The following CFAP251 variants were observed in gnomAD, a reference collection of about 807,000 sequenced individuals.
CFAP251 encodes cilia- and flagella-associated protein 251.
A neutral mutation model predicts 126.7 loss-of-function variants in CFAP251; 93 were observed. The observed-to-expected ratio is 0.73, with a 90% CI of 0.62 to 0.87. The LOEUF (loss-of-function observed/expected upper bound fraction) is 0.87. CFAP251 is among the 40% of genes least tolerant of loss of function. CFAP251 has a pLI of 0.00. For missense variants in CFAP251, 1,287 were observed against 1,389.2 expected, an observed-to-expected ratio of 0.93 and a Z score of 1.17; for synonymous variants, 503 against 506.9, an observed-to-expected ratio of 0.99 and a Z score of 0.10.
At chr12:121,999,622 C>A in intron 19 of CFAP251, 94 bp from the exon 20 acceptor site, 1 of 944,376 alleles carries the variant, frequency 1.1e-6, no homozygotes, top group Non-Finnish European at 1.6e-6. Flanking sequence ...AGGCATGAGC[C>A]GCTGCACCAG....
chr12:121,957,240 A>G lies in CFAP251; in HGVS notation c.1702A>G (p.Thr568Ala). The part of the protein sequence containing the change: ...TEKSNYPPDC[T>A]LKGDLFVLRN... The stretch of plus-strand genomic sequence containing the variant: ...AAAATCAAACTATCCTCCTGACTGC[A>G]CTTTAAAAGGTGACCTTTTTGTCTT... The change falls in exon 11 of 22, where the codon ACT (threonine) becomes GCT (alanine). Residue 568 changes from threonine to alanine, a missense_variant. Coordinates refer to ENST00000288912, the MANE Select transcript of CFAP251 (RefSeq NM_144668.6). 1.9e-6 allele frequency: 3 copies of G among 1,612,480 alleles called. No individual in the cohort carries two copies. The highest frequency in any genetic ancestry group is 2.2e-5 in the South Asian group (2 of 90,710).
chr12:121,926,262 A>G (rs900923352), intron 3 of CFAP251, among the ~76,000 whole-genome samples: 4 of 151,656 alleles, frequency 2.6e-5, no homozygotes, highest in African/African-American at 7.3e-5. Flanking sequence ...TATTGCATGT[A>G]TCTTCTTTCT....
intron 4 of CFAP251, chr12:121,933,143 A>C (rs1421283387): frequency 3.3e-5 from 5 of 152,284 alleles, no homozygotes; most frequent in Admixed American, 3.3e-4. Flanking sequence ...TGAACACATA[A>C]ATGATTACAA....
Position 121,975,260 on chromosome 12 carries a change from G to A in CFAP251, c.2788G>A (p.Val930Ile), listed in dbSNP as rs749695676. 5.0e-6 allele frequency: 8 copies of A among 1,613,912 alleles called. No individual in the cohort carries two copies. In the Admixed American group the frequency reaches 5.0e-5, roughly 10 times the overall value. Residue 930 changes from valine to isoleucine, a missense_variant, in exon 18 of 22, where the codon GTT becomes ATT. Coordinates refer to ENST00000288912, the MANE Select transcript of CFAP251 (RefSeq NM_144668.6). ...KITLSVLEAA[V>I]SLGGEDLTPF... is the part of the protein sequence containing the mutation. The stretch of plus-strand genomic sequence containing the variant: ...TTGTTCCAGTGTCCTGGAGGCAGCG[G>A]TTTCTCTTGGGGGTGAAGACTTGAC...
chr12:121,993,992 C>T (rs1439816296), intron 19 of CFAP251, among the ~76,000 whole-genome samples: 6 of 65,090 alleles, frequency 9.2e-5, no homozygotes, highest in South Asian at 1.0e-3. Context: ...AGCCCCCCGC[C>T]CGGCCAGCCG....
At chr12:121,924,224 C>T (rs903292833) in intron 3 of CFAP251, among the ~76,000 whole-genome samples, 5 of 151,812 alleles carry the variant, frequency 3.3e-5, no homozygotes, top group African/African-American at 1.2e-4. Flanking sequence ...ATTCTTGTGC[C>T]TCAGTCTCCC....
intron 2 of CFAP251, among the ~76,000 whole-genome samples, chr12:121,922,105 CTTTT>C (rs545096948): frequency 1.7e-5 from 2 of 120,408 alleles, no homozygotes; most frequent in Non-Finnish European, 1.7e-5. Context: ...ACAATCCATT[CTTTT>C]TTTTTTTTTT....
At chr12:121,991,748 A>C (rs1169075) in intron 19 of CFAP251, among the ~76,000 whole-genome samples, 134,805 of 152,238 alleles carry the variant, frequency 0.89, 59,887 homozygotes, top group African/African-American at 0.96. Context: ...AATCCCAGCA[A>C]TTTGGGAGGC....
chr12:121,984,851 T>C (rs2135807033), intron 19 of CFAP251, among the ~76,000 whole-genome samples: 1 of 152,326 alleles, frequency 6.6e-6, no homozygotes, highest in Non-Finnish European at 1.5e-5. Context: ...TGTATAATCT[T>C]GACAGGTTTG....
chr12:121,934,385 C>T, intron 5 of CFAP251, 29 bp downstream of exon 5: 2 of 1,543,000 alleles, frequency 1.3e-6, no homozygotes, highest in Non-Finnish European at 1.8e-6. Context: ...CTTCTTTTTT[C>T]CCTGAATTTC....
In CFAP251 at chr12:121,960,684, C is replaced by A; in HGVS notation, c.2233C>A (p.Arg745=). ...ACTTCGCTCTCATCGCAAAAGCATT[C>A]GAAGTCTCCTGTTTGGGGTTTACCT... is the stretch of plus-strand genomic sequence containing the variant. ...ARLRSHRKSI[R]SLLFGVYLDS... The change falls in exon 14 of 22, where the codon CGA becomes AGA. Residue 745 remains arginine (R), a synonymous_variant. Coordinates refer to ENST00000288912, the MANE Select transcript of CFAP251 (RefSeq NM_144668.6). The A allele has an allele frequency of 6.2e-7, 1 of 1,614,058 alleles. No individual in the cohort carries two copies. The highest frequency in any genetic ancestry group is 8.5e-7 in the Non-Finnish European group (1 of 1,179,978).
chr12:121,920,139 G>A (rs1165823424), intron 1 of CFAP251, among the ~76,000 whole-genome samples: 32 of 149,366 alleles, frequency 2.1e-4, no homozygotes, highest in African/African-American at 7.4e-4. Context: ...AGCCAAGATC[G>A]TGCCACTGCA....
At chr12:121,960,131 C>T (rs1881879186) in intron 13 of CFAP251, among the ~76,000 whole-genome samples, 2 of 151,730 alleles carry the variant, frequency 1.3e-5, no homozygotes, top group Non-Finnish European at 1.5e-5. Flanking sequence ...AGACTCTTGT[C>T]TCAAAAAAAA....
chr12:122,002,864 C>G (rs1401665476), intron 21 of CFAP251, among the ~76,000 whole-genome samples: 2 of 152,112 alleles, frequency 1.3e-5, no homozygotes, highest in Non-Finnish European at 2.9e-5. Flanking sequence ...ACCCCTCACC[C>G]ATTCCCCTTT....
rs1297132459 is a variant in CFAP251 at position 121,975,536 on chromosome 12, A to G, written c.2863-6A>G. 2 of 1,608,532 alleles carry G rather than the reference A, an allele frequency of 1.2e-6. No individual in the cohort carries two copies. Among genetic ancestry groups the G allele is most frequent in the Non-Finnish European group, 1.7e-6 (2 of 1,178,630 alleles). The stretch of plus-strand genomic sequence containing the variant: ...TGTGTTGTGTTTCCGTTGTATTCCT[A>G]CATAGGAGCTAGAAGACTACTTCTA... On this transcript the variant is annotated splice_polypyrimidine_tract_variant and splice_region_variant and intron_variant, in intron 18 of 21. Transcript: ENST00000288912.
At chr12:121,929,306 C>G (rs1230000892) in intron 3 of CFAP251, among the ~76,000 whole-genome samples, 21 of 141,502 alleles carry the variant, frequency 1.5e-4, no homozygotes, top group Non-Finnish European at 2.7e-4. Context: ...GGTGACAGAG[C>G]GAGACTCCAT....
chr12:121,955,094 G>A (rs912743292), intron 10 of CFAP251, among the ~76,000 whole-genome samples: 16 of 152,190 alleles, frequency 1.1e-4, no homozygotes, highest in Admixed American at 2.0e-4. Context: ...AGGAGTTTGA[G>A]ACCAGCCTGG....
intron 20 of CFAP251, among the ~76,000 whole-genome samples, chr12:122,000,323 G>A (rs1360926611): frequency 3.3e-5 from 5 of 152,004 alleles, no homozygotes; most frequent in South Asian, 2.1e-4. Context: ...AGGCCGAGGC[G>A]GGCGGATTGC....
intron 19 of CFAP251, among the ~76,000 whole-genome samples, chr12:121,985,691 G>A (rs1192490778): frequency 1.3e-5 from 2 of 150,758 alleles, no homozygotes; most frequent in African/African-American, 4.9e-5. Context: ...AAACTCCTGG[G>A]CTTAGGCAAG....
Sources: gnomAD v4.1 joint callset for allele counts (sites outside exome capture counted in the v4.1 genomes callset) on GRCh38, gnomAD v4.1.1 for gene constraint, MANE v1.5 for transcripts, NCBI Gene and HGNC (gene_info 2026-07-23, HGNC 2026-07-21) for gene names.